ZNF536: variants seen among roughly 807,000 people sequenced by gnomAD.
ZNF536 encodes zinc finger protein 536.
A neutral mutation model predicts 84.5 loss-of-function variants in ZNF536; 13 were observed. The observed-to-expected ratio is 0.15, with a 90% CI of 0.10 to 0.24. ZNF536 has a LOEUF of 0.24. Among genes scored for constraint, ZNF536 ranks in the 10% least tolerant of loss-of-function variants. The probability of loss-of-function intolerance (pLI) is 1.00; values close to 1 mark genes in which losing one functional copy is unlikely to be tolerated. For missense variants in ZNF536, 1,536 were observed against 1,747.5 expected (o/e 0.88, Z 2.16); for synonymous variants, 811 against 742.5 (o/e 1.09, Z -1.50).
At chr19:30,258,713 ATTTATTT>A (rs2025039377) in intron 1 of ZNF536, among the ~76,000 whole-genome samples, 1 of 150,784 alleles carries the variant, frequency 6.6e-6, no homozygotes. Context: ...TTATTTATTT[ATTTATTT>A]ATTTATTTAA....
chr19:30,406,531 G>T (rs1460056884), intron 1 of ZNF536, among the ~76,000 whole-genome samples: 1 of 152,240 alleles, frequency 6.6e-6, no homozygotes. Flanking sequence ...ATAAATACCT[G>T]AGATAGGAAA....
intron 1 of ZNF536, among the ~76,000 whole-genome samples, chr19:30,597,794 TTTG>T (rs537390346): frequency 2.6e-5 from 4 of 152,338 alleles, no homozygotes; most frequent in East Asian, 1.9e-4. Context: ...TATGCATATT[TTTG>T]TTGTTGTATG....
chr19:30,399,415 T>A (rs1239262728), intron 1 of ZNF536, among the ~76,000 whole-genome samples: 48 of 152,268 alleles, frequency 3.2e-4, no homozygotes, highest in South Asian at 2.1e-4. Context: ...AGCTCTTTAG[T>A]TTAATTAGAT....
intron 1 of ZNF536, among the ~76,000 whole-genome samples, chr19:30,639,471 C>T (rs1435312786): frequency 6.6e-6 from 1 of 152,280 alleles, no homozygotes; most frequent in Non-Finnish European, 1.5e-5. Flanking sequence ...AAAGCCCCAT[C>T]CCAAGTTCCC....
chr19:30,314,821 C>G (rs1474319247), intron 2 of ZNF536, among the ~76,000 whole-genome samples: 1 of 152,112 alleles, frequency 6.6e-6, no homozygotes, highest in Non-Finnish European at 1.5e-5. Context: ...CAACCCCTCC[C>G]CTTTCTCTGG....
At chr19:30,431,205 G>A (rs963639075) in intron 1 of ZNF536, among the ~76,000 whole-genome samples, 2 of 152,122 alleles carry the variant, frequency 1.3e-5, no homozygotes, top group South Asian at 2.1e-4. Flanking sequence ...CAGAACCTGC[G>A]TTGAGGGGGT....
At chr19:30,403,008 C>G (rs554209226) in intron 1 of ZNF536, among the ~76,000 whole-genome samples, 1 of 151,822 alleles carries the variant, frequency 6.6e-6, no homozygotes, top group African/African-American at 2.4e-5. Context: ...TTTGGTGTTG[C>G]CGTGCCCTGG....
intron 3 of ZNF536, among the ~76,000 whole-genome samples, chr19:30,354,456 C>T (rs2048030918): frequency 6.6e-6 from 1 of 152,186 alleles, no homozygotes; most frequent in South Asian, 2.1e-4. Context: ...CAGCCTTGAC[C>T]TCCTGGGCTC....
intron 1 of ZNF536, among the ~76,000 whole-genome samples, chr19:30,376,742 C>T (rs1220568761): frequency 6.6e-6 from 1 of 152,230 alleles, no homozygotes; most frequent in Non-Finnish European, 1.5e-5. Flanking sequence ...TCCTCCCTGA[C>T]ACTACCCAGC....
chr19:30,501,590 A>G (rs1359776374), intron 2 of ZNF536, among the ~76,000 whole-genome samples: 1 of 152,184 alleles, frequency 6.6e-6, no homozygotes, highest in Non-Finnish European at 1.5e-5. Context: ...TCAGGAGCTC[A>G]TCTGGTGAAA....
intron 1 of ZNF536, among the ~76,000 whole-genome samples, chr19:30,264,966 T>TGTGTGTGTGAGAGAGAGAGA (rs59889852): frequency 5.2e-5 from 7 of 133,856 alleles, no homozygotes; most frequent in African/African-American, 2.1e-4. Context: ...TGTGTGTGTG[T>TGTGTGTGTGAGAGAGAGAGA]GAGAGAGAGA....
chr19:30,679,883 G>A (rs1334349236), intron 1 of ZNF536, among the ~76,000 whole-genome samples: 1 of 152,218 alleles, frequency 6.6e-6, no homozygotes, highest in Non-Finnish European at 1.5e-5. Flanking sequence ...AGCCCACCTG[G>A]CCCACATCGG....
At chr19:30,481,556 A>G (rs778275203) in intron 2 of ZNF536, among the ~76,000 whole-genome samples, 9 of 152,244 alleles carry the variant, frequency 5.9e-5, no homozygotes, top group Non-Finnish European at 8.8e-5. Context: ...ATGAATTACA[A>G]ACATTTATTG....
At chr19:30,430,458 C>A (rs1220052137) in intron 1 of ZNF536, among the ~76,000 whole-genome samples, 1 of 152,152 alleles carries the variant, frequency 6.6e-6, no homozygotes, top group East Asian at 1.9e-4. Flanking sequence ...TACAAACAAA[C>A]CCAACCTAAT....
In ZNF536 at chr19:30,664,202, TTTTCTCTCTCTCTCTCTCTCTCTC is replaced by T. The variant is rs1290277410; in HGVS notation, c.170-46553_170-46530del. Among the ~76,000 whole-genome samples the T allele has an allele frequency of 4.4e-3, 525 of 118,500 alleles. 22 individuals carry two copies. The highest frequency in any genetic ancestry group is 0.012 in the African/African-American group (421 of 34,374). 77.7% of individuals were successfully genotyped at this position (118,500 alleles called of 152,430 possible). The stretch of plus-strand genomic sequence containing the variant: ...GCTATCTAGAGGAATTCTTGCTGAG[TTTTCTCTCTCTCTCTCTCTCTCTC>T]TCTCTCTCTCTCTCTCTCTCTCTCT... On this transcript the variant is annotated intron_variant, in intron 1 of 1. Coordinates refer to the ZNF536 transcript ENST00000592773.
downstream of ZNF536, among the ~76,000 whole-genome samples, chr19:30,558,881 A>G (rs540989305): frequency 1.3e-5 from 2 of 152,298 alleles, no homozygotes; most frequent in African/African-American, 4.8e-5. Flanking sequence ...TCAAGCTCCA[A>G]GTCCGTTCTT....
chr19:30,466,777 G>C (rs1358352826), intron 2 of ZNF536, among the ~76,000 whole-genome samples: 1 of 145,388 alleles, frequency 6.9e-6, no homozygotes, highest in African/African-American at 2.5e-5. Context: ...AGGAAGGAAG[G>C]AAGGAAGGAA....
intron 2 of ZNF536, among the ~76,000 whole-genome samples, chr19:30,327,605 T>C (rs2047081687): frequency 6.6e-6 from 1 of 152,218 alleles, no homozygotes; most frequent in African/African-American, 2.4e-5. Context: ...AGGCTTTGTT[T>C]GGAAGTTCTG....
At position 30,669,855 on chromosome 19, in the gene ZNF536, T is replaced by C. The variant is rs180787539; in HGVS notation, c.170-40902T>C. ...TTCAATGACGTATTCATTGTGGCAATGTGCACGAATAGAGCGTCTGCTGAG... is the reference window on the plus strand; with the variant it reads ...TTCAATGACGTATTCATTGTGGCAACGTGCACGAATAGAGCGTCTGCTGAG... On this transcript the variant is annotated intron_variant, in intron 1 of 1. Transcript: ENST00000592773. Among the ~76,000 whole-genome samples, 17 of 152,318 alleles carry C rather than the reference T, an allele frequency of 1.1e-4. No homozygotes were observed. The East Asian group carries it at 3.3e-3, about 29-fold the overall frequency.
Sources: allele counts gnomAD v4.1 joint callset (sites outside exome capture counted in the v4.1 genomes callset), GRCh38; gene constraint gnomAD v4.1.1; transcripts MANE v1.5; gene names NCBI Gene and HGNC (gene_info 2026-07-23, HGNC 2026-07-21).